Variants in IDO1 observed in about 807,000 individuals in gnomAD.
IDO1 encodes the protein indolamine 2,3 dioxygenase.
Under a neutral mutation model 38.8 loss-of-function variants are expected in IDO1, and 35 were observed. The ratio of observed to expected loss-of-function variants is 0.90; its 90% CI spans 0.69 to 1.20. IDO1 has a LOEUF of 1.20. Among genes scored for constraint, IDO1 ranks in the 50% most tolerant of loss-of-function variants. The pLI, the probability that IDO1 is intolerant of heterozygous loss-of-function variation, is 0.00. For missense variants in IDO1, 509 were observed against 485.1 expected (o/e 1.05, Z -0.46); for synonymous variants, 171 against 170.0 (o/e 1.01, Z -0.05).
At position 39,925,267 on chromosome 8, in the gene IDO1, G is replaced by A. The variant is rs1485920785; in HGVS notation, c.752G>A (p.Gly251Glu). 2.5e-6 allele frequency: 4 copies of A among 1,612,908 alleles called. No homozygotes were observed. Among genetic ancestry groups the A allele is most frequent in the Admixed American group, 1.7e-5 (1 of 59,924 alleles). ...CTATCAGACGGTCTGGTGTATGAAG[G>A]GTTCTGGGAAGACCCAAAGGAGTTT... ...PQLSDGLVYE[G>E]FWEDPKEFAG... Residue 251 changes from glycine to glutamate, a missense_variant, in exon 9 of 10, where the codon GGG (glycine) becomes GAG (glutamate). Coordinates refer to ENST00000518237, the MANE Select transcript of IDO1 (RefSeq NM_002164.6).
At position 39,918,949 on chromosome 8, in the gene IDO1, TAAC is replaced by T. The variant is rs1807227688; in HGVS notation, c.422+21_422+23del. The T allele has an allele frequency of 2.1e-6, 3 of 1,400,668 alleles. No homozygotes were observed. In the South Asian group the frequency reaches 3.4e-5, roughly 16 times the overall value. 86.8% of individuals were successfully genotyped at this position (1,400,668 alleles called of 1,614,324 possible). A position where few individuals can be genotyped will look rare whatever the true frequency, so the allele number is the denominator to read the frequency against. ...ATCCTAATAAGTATGTAAACAGTGA[TAAC>T]AACAGGAATTTTTGGAGTGTGTGCC... On this transcript the variant is annotated intron_variant, in intron 4 of 9. Transcript: ENST00000518237.
At position 39,918,830 on chromosome 8, in the gene IDO1, A is replaced by G. The variant is rs749348250; in HGVS notation, c.319A>G (p.Ile107Val). ...GDVRKVLPRN[I>V]AVPYCQLSKK... ...TTTTAATCAGGTCTTGCCAAGAAAT[A>G]TTGCTGTTCCTTACTGCCAACTCTC... Residue 107 changes from isoleucine to valine, a missense_variant, in exon 4 of 10, where the codon ATT (isoleucine) becomes GTT (valine). Transcript: ENST00000518237. The G allele has an allele frequency of 6.2e-7, 1 of 1,607,324 alleles. No individual in the cohort carries two copies. The highest frequency in any genetic ancestry group is 1.1e-5 in the South Asian group (1 of 90,960).
At chr8:39,919,953 C>T (rs1807247224) in intron 4 of IDO1, 147 bp from the exon 5 acceptor site, 2 of 696,074 alleles carry the variant, frequency 2.9e-6, no homozygotes, top group East Asian at 2.6e-5. Flanking sequence ...ACTGAAGAAA[C>T]ATTTTAATAA....
At chr8:39,925,503 G>A in intron 9 of IDO1, 132 bp downstream of exon 9, 1 of 891,160 alleles carries the variant, frequency 1.1e-6, no homozygotes, top group Non-Finnish European at 1.6e-6. Context: ...GGCAAGTAGG[G>A]ATTTGGTTGC....
Position 39,920,029 on chromosome 8 carries a change from A to C in IDO1, c.423-71A>C, listed in dbSNP as rs565533495. On this transcript the variant is annotated intron_variant, in intron 4 of 9. Transcript: ENST00000518237. ...TTCAATCAAATAGCAACAACTCATC[A>C]TTATTTGATGTTAAATTGGTTTTCT... 178 of 1,300,742 alleles carry C rather than the reference A, an allele frequency of 1.4e-4. 1 individual carries two copies. The South Asian group carries it at 2.0e-3, about 15-fold the overall frequency. 80.6% of individuals were successfully genotyped at this position (1,300,742 alleles called of 1,614,324 possible).
At position 39,928,398 on chromosome 8, in the gene IDO1, T is replaced by C; in HGVS notation, c.*213T>C. The C allele has an allele frequency of 4.2e-6, 2 of 473,944 alleles. No individual in the cohort carries two copies. The highest frequency in any genetic ancestry group is 5.7e-4 in the Middle Eastern group (1 of 1,768). The allele number at this position is 473,944 out of a possible 1,614,324, so 29.4% of individuals were successfully genotyped here. On this transcript the variant is annotated 3_prime_UTR_variant, in exon 10 of 10. Transcript: ENST00000518237. ...TAGAAGTTTTGTAATCTGTATCTTA[T>C]CATTGGAATAAAATGACATTCAATA...
In IDO1 at chr8:39,918,210, T is replaced by C. The variant is rs1807208942; in HGVS notation, c.303+3T>C. On this transcript the variant is annotated splice_donor_region_variant and intron_variant, in intron 3 of 9. Coordinates refer to ENST00000518237, the MANE Select transcript of IDO1 (RefSeq NM_002164.6). ...AAGGTCATGGAGATGTCCGTAAGGT[T>C]TGGAGATTTTCTCAGATTTCTTATG... The C allele has an allele frequency of 3.1e-6, 5 of 1,601,466 alleles. No individual in the cohort carries two copies. Among genetic ancestry groups the C allele is most frequent in the Non-Finnish European group, 4.3e-6 (5 of 1,170,740 alleles).
At chr8:39,923,350 G>T in intron 6 of IDO1, 119 bp from the exon 7 acceptor site, 1 of 584,010 alleles carries the variant, frequency 1.7e-6, no homozygotes, top group Non-Finnish European at 3.0e-6. Flanking sequence ...CTTGCAGTGA[G>T]CTGAGATCGC....
intron 9 of IDO1, among the ~76,000 whole-genome samples, chr8:39,926,810 T>C (rs1017900380): frequency 3.9e-5 from 6 of 152,166 alleles, no homozygotes; most frequent in Non-Finnish European, 5.9e-5. Flanking sequence ...TAGTGCCCAA[T>C]AGGTAGTTTT....
At chr8:39,926,751 G>A (rs1400993595) in intron 9 of IDO1, among the ~76,000 whole-genome samples, 1 of 152,108 alleles carries the variant, frequency 6.6e-6, no homozygotes, top group Non-Finnish European at 1.5e-5. Context: ...TATAATGGGT[G>A]ATGCTGATGT....
intron 9 of IDO1, 127 bp downstream of exon 9, chr8:39,925,498 G>A: frequency 2.1e-6 from 2 of 939,728 alleles, no homozygotes; most frequent in Non-Finnish European, 3.0e-6. Flanking sequence ...AATCAGGCAA[G>A]TAGGGATTTG....
At chr8:39,923,403 CAAAAAA>C (rs11337517) in intron 6 of IDO1, 60 bp from the exon 7 acceptor site, 890 of 744,324 alleles carry the variant, frequency 1.2e-3, no homozygotes, top group East Asian at 1.5e-3. Context: ...GACTCCGTCT[CAAAAAA>C]AAAAAAAAAA....
chr8:39,921,784 A>C, intron 5 of IDO1, among the ~76,000 whole-genome samples: 1 of 152,234 alleles, frequency 6.6e-6, no homozygotes, highest in Non-Finnish European at 1.5e-5. Flanking sequence ...CAGTTATTTG[A>C]ATTTCGCAGT....
In IDO1 at chr8:39,927,750, C is replaced by G. The variant is rs2129592521; in HGVS notation, c.857-80C>G. 5 of 837,930 alleles carry G rather than the reference C, an allele frequency of 6.0e-6. No homozygotes were observed. In the East Asian group the frequency reaches 1.1e-4, roughly 18 times the overall value. 51.9% of individuals were successfully genotyped at this position (837,930 alleles called of 1,614,324 possible). ...TGCTATATTGGTGATCTCCTGCCCACTCTGACCTCACTCTGCCTTTCTCTC... is the reference window on the plus strand; with the variant it reads ...TGCTATATTGGTGATCTCCTGCCCAGTCTGACCTCACTCTGCCTTTCTCTC... On this transcript the variant is annotated intron_variant, in intron 9 of 9. Coordinates refer to ENST00000518237, the MANE Select transcript of IDO1 (RefSeq NM_002164.6).
intron 9 of IDO1, among the ~76,000 whole-genome samples, chr8:39,927,086 C>A (rs539339805): frequency 2.6e-5 from 4 of 152,214 alleles, no homozygotes; most frequent in African/African-American, 9.6e-5. Flanking sequence ...ACCACATTTT[C>A]TTTGTCCCAT....
At chr8:39,918,327 G>A (rs901773878) in intron 3 of IDO1, 120 bp downstream of exon 3, 6 of 906,318 alleles carry the variant, frequency 6.6e-6, no homozygotes, top group Admixed American at 2.7e-5. Flanking sequence ...TAGATAACAC[G>A]ACAAAATGAT....
intron 1 of IDO1, among the ~76,000 whole-genome samples, chr8:39,914,754 T>C (rs1807147472): frequency 6.6e-6 from 1 of 151,898 alleles, no homozygotes; most frequent in Non-Finnish European, 1.5e-5. Context: ...GTTATGTATG[T>C]TATTTATTTA....
Position 39,927,979 on chromosome 8 carries a change from G to C in IDO1, c.1006G>C (p.Val336Leu), listed in dbSNP as rs1361717174. 6.2e-7 allele frequency: 1 copy of C among 1,605,214 alleles called. No individual in the cohort carries two copies. Among genetic ancestry groups the C allele is most frequent in the East Asian group, 2.2e-5 (1 of 44,708 alleles). ...CCTGCGGGAAGCTTATGACGCCTGTGTGAAAGCTCTGGTCTCCCTGAGGAG... is the reference window on the plus strand; with the variant it reads ...CCTGCGGGAAGCTTATGACGCCTGTCTGAAAGCTCTGGTCTCCCTGAGGAG... ...AGLREAYDAC[V>L]KALVSLRSYH... The change falls in exon 10 of 10, where the codon GTG becomes CTG. Residue 336 changes from valine (V) to leucine (L), a missense_variant. Coordinates refer to ENST00000518237, the MANE Select transcript of IDO1 (RefSeq NM_002164.6).
intron 1 of IDO1, among the ~76,000 whole-genome samples, 199 bp from the exon 2 acceptor site, chr8:39,917,676 A>T (rs1334359654): frequency 6.6e-6 from 1 of 152,204 alleles, no homozygotes; most frequent in African/African-American, 2.4e-5. Context: ...TTGAAGAGAG[A>T]GGAAGAGGTG....
Sources: gnomAD v4.1 joint callset for allele counts (sites outside exome capture counted in the v4.1 genomes callset) on GRCh38, gnomAD v4.1.1 for gene constraint, MANE v1.5 for transcripts, NCBI Gene and HGNC (gene_info 2026-07-23, HGNC 2026-07-21) for gene names.